Variants in KPNB1 observed in about 807,000 individuals in gnomAD.
KPNB1 encodes importin subunit beta-1.
A neutral mutation model predicts 113.0 loss-of-function variants in KPNB1; 7 were observed. That is an observed-to-expected ratio of 0.06 (90% confidence interval 0.04 to 0.12). The LOEUF is 0.12. Among genes scored for constraint, KPNB1 ranks in the 10% least tolerant of loss-of-function variants. The pLI is 1.00. For synonymous variants in KPNB1, 363 were observed against 378.6 expected (o/e 0.96, Z 0.48); for missense variants, 400 against 1,054.8 (o/e 0.38, Z 8.60).
intron 7 of KPNB1, among the ~76,000 whole-genome samples, 163 bp from the exon 8 acceptor site, chr17:47,663,996 A>G (rs1227765354): frequency 6.6e-6 from 1 of 151,982 alleles, no homozygotes; most frequent in Non-Finnish European, 1.5e-5. Flanking sequence ...AAAAAAAAAA[A>G]AAAGAAAAGA....
chr17:47,650,359 C>T (rs754360517), intron 1 of KPNB1, 27 bp from the exon 2 acceptor site: 1 of 1,611,000 alleles, frequency 6.2e-7, no homozygotes, highest in Middle Eastern at 1.7e-4. Context: ...TCTGACCCCG[C>T]TCCGTCTCCC....
chr17:47,650,177 G>A lies in KPNB1; in HGVS notation c.-68G>A. 3 of 1,005,026 alleles carry A rather than the reference G, an allele frequency of 3.0e-6. No individual in the cohort carries two copies. The highest frequency in any genetic ancestry group is 3.5e-6 in the Non-Finnish European group (3 of 850,018). The allele number at this position is 1,005,026 out of a possible 1,614,324, so 62.3% of individuals were successfully genotyped here. On this transcript the variant is annotated 5_prime_UTR_variant, in exon 1 of 22. Coordinates refer to ENST00000290158, the MANE Select transcript of KPNB1 (RefSeq NM_002265.6). ...ACCCGACCCCCAACCCCCATCCCCAGTTCGAGCCGCCGCCCGAAAGGCCGG... is the reference window on the plus strand; with the variant it reads ...ACCCGACCCCCAACCCCCATCCCCAATTCGAGCCGCCGCCCGAAAGGCCGG...
At chr17:47,671,518 T>C (rs961765967) in intron 12 of KPNB1, among the ~76,000 whole-genome samples, 3 of 134,730 alleles carry the variant, frequency 2.2e-5, no homozygotes, top group Non-Finnish European at 3.3e-5. Context: ...TAACTACCAT[T>C]TTTATTTTAT....
chr17:47,660,086 A>T (rs1285716397), intron 5 of KPNB1, among the ~76,000 whole-genome samples: 2 of 152,216 alleles, frequency 1.3e-5, no homozygotes, highest in African/African-American at 4.8e-5. Flanking sequence ...TGCAAAACTG[A>T]AACTGTACAT....
intron 12 of KPNB1, 130 bp downstream of exon 12, chr17:47,670,962 T>C (rs1198812675): frequency 1.1e-6 from 1 of 884,450 alleles, no homozygotes; most frequent in Non-Finnish European, 1.7e-6. Context: ...TCTAGAGGAA[T>C]TAAAAGAAAC....
chr17:47,674,593 G>A, intron 14 of KPNB1, 45 bp from the exon 15 acceptor site: 1 of 1,578,806 alleles, frequency 6.3e-7, no homozygotes, highest in Non-Finnish European at 8.6e-7. Flanking sequence ...GTTCTGATTG[G>A]GAGATTTGGA....
rs185157058 is a variant in KPNB1 at position 47,652,602 on chromosome 17, C to A, written c.100-92C>A. The A allele has an allele frequency of 5.5e-5, 55 of 999,660 alleles. No homozygotes were observed. In the South Asian group the frequency reaches 1.0e-3, roughly 19 times the overall value. 61.9% of individuals were successfully genotyped at this position (999,660 alleles called of 1,614,324 possible). On this transcript the variant is annotated intron_variant, in intron 2 of 21. Coordinates refer to ENST00000290158, the MANE Select transcript of KPNB1 (RefSeq NM_002265.6). ...ATTAGACATTAGTTCCCCCCCTCGCCGCCCCTCTGGTGGTTCAGTGCTCTA... is the reference window on the plus strand; with the variant it reads ...ATTAGACATTAGTTCCCCCCCTCGCAGCCCCTCTGGTGGTTCAGTGCTCTA...
chr17:47,670,620 C>A, intron 11 of KPNB1, 82 bp from the exon 12 acceptor site: 1 of 1,446,544 alleles, frequency 6.9e-7, no homozygotes, highest in Non-Finnish European at 9.3e-7. Flanking sequence ...CTGACACGGC[C>A]CAAAGTATCT....
In KPNB1 at chr17:47,675,797, A is replaced by G. The variant is rs536982717; in HGVS notation, c.1913-612A>G. 2.7e-4 allele frequency among the ~76,000 whole-genome samples: 41 copies of G among 152,272 alleles called. 1 individual carries two copies. In the South Asian group the frequency reaches 8.5e-3, roughly 32 times the overall value. On this transcript the variant is annotated intron_variant, in intron 15 of 21. Coordinates refer to ENST00000290158, the MANE Select transcript of KPNB1 (RefSeq NM_002265.6). The stretch of plus-strand genomic sequence containing the variant: ...TATGCCTTTTCAGGGGTGGCCTGTA[A>G]GTACATTGCTAAGGCCATTTACCTG...
At chr17:47,672,508 A>G (rs1004736076) in intron 12 of KPNB1, among the ~76,000 whole-genome samples, 2 of 151,802 alleles carry the variant, frequency 1.3e-5, no homozygotes, top group African/African-American at 4.8e-5. Flanking sequence ...CTCGTGCCTC[A>G]GCCTCCTGAG....
At position 47,673,509 on chromosome 17, in the gene KPNB1, C is replaced by G. The variant is rs1228566457; in HGVS notation, c.1715C>G (p.Ser572Cys). 6.2e-7 allele frequency: 1 copy of G among 1,613,338 alleles called. No individual in the cohort carries two copies. Among genetic ancestry groups the G allele is most frequent in the Non-Finnish European group, 8.5e-7 (1 of 1,179,418 alleles). ...TTGTAGTCACATATCCAGAGCACAT[C>G]CGATAGAATCCAGTTCAATGACCTT... is the stretch of plus-strand genomic sequence containing the variant. ...LQMESHIQST[S>C]DRIQFNDLQS... The change falls in exon 14 of 22, where the codon TCC (serine) becomes TGC (cysteine). Residue 572 changes from serine (S) to cysteine (C), a missense_variant. Around this residue, in one of 2 missense-constraint regions of KPNB1, gnomAD observed 115 missense variants for 427.9 expected, o/e 0.27. Transcript: ENST00000290158.
chr17:47,652,210 G>C (rs776653707), intron 2 of KPNB1, among the ~76,000 whole-genome samples: 2 of 152,168 alleles, frequency 1.3e-5, no homozygotes, highest in Non-Finnish European at 2.9e-5. Flanking sequence ...GAGATGGAAA[G>C]TTGGATCATT....
In KPNB1 at chr17:47,650,555, TC is replaced by T. The variant is rs1419727146; in HGVS notation, c.99+116del. ...CGGGAACCTACCCCGCCCCATCCCGTCCCCCTCCCCCCTCCCCCTCCCCCCC... is the reference window on the plus strand; with the variant it reads ...CGGGAACCTACCCCGCCCCATCCCGTCCCCTCCCCCCTCCCCCTCCCCCCC... On this transcript the variant is annotated intron_variant, in intron 2 of 21. Transcript: ENST00000290158. 233 of 550,964 alleles carry T rather than the reference TC, an allele frequency of 4.2e-4. 2 individuals are homozygous for T. Among genetic ancestry groups the T allele is most frequent in the East Asian group, 3.5e-3 (86 of 24,462 alleles). The allele number at this position is 550,964 out of a possible 1,614,324, so 34.1% of individuals were successfully genotyped here.
chr17:47,677,611 C>T (rs1184634423), intron 17 of KPNB1, among the ~76,000 whole-genome samples: 1 of 152,004 alleles, frequency 6.6e-6, no homozygotes, highest in African/African-American at 2.4e-5. Context: ...GGAATGTGTG[C>T]TCTATTAGAG....
chr17:47,676,356 C>G (rs2030614565), intron 15 of KPNB1, 53 bp from the exon 16 acceptor site: 1 of 1,285,090 alleles, frequency 7.8e-7, no homozygotes, highest in African/African-American at 1.5e-5. Flanking sequence ...TTTCTGCCTG[C>G]CTCTGTGTTA....
intron 6 of KPNB1, among the ~76,000 whole-genome samples, chr17:47,662,864 C>T (rs1335632179): frequency 6.6e-6 from 1 of 151,952 alleles, no homozygotes; most frequent in Non-Finnish European, 1.5e-5. Context: ...GCCTGGGCAA[C>T]AGGAGCGGAA....
At chr17:47,656,531 C>T (rs1252671204) in intron 3 of KPNB1, among the ~76,000 whole-genome samples, 1 of 146,308 alleles carries the variant, frequency 6.8e-6, no homozygotes, top group Non-Finnish European at 1.5e-5. Flanking sequence ...CTGACTGAGG[C>T]CTTGTATTTT....
intron 12 of KPNB1, among the ~76,000 whole-genome samples, chr17:47,672,549 C>G (rs1018063969): frequency 6.6e-6 from 1 of 151,994 alleles, no homozygotes; most frequent in African/African-American, 2.4e-5. Context: ...AGCCACTACA[C>G]CTGGCTAATT....
At chr17:47,660,981 A>G (rs1473899503) in intron 5 of KPNB1, 138 bp from the exon 6 acceptor site, 1 of 678,856 alleles carries the variant, frequency 1.5e-6, no homozygotes, top group African/African-American at 1.8e-5. Flanking sequence ...CTCAAGGGAG[A>G]GTGGCTTGAT....
Sources: gnomAD v4.1 joint callset for allele counts (sites outside exome capture counted in the v4.1 genomes callset) on GRCh38, gnomAD v4.1.1 for gene constraint, gnomAD v4.1.1 regional missense constraint, MANE v1.5 for transcripts, NCBI Gene and HGNC (gene_info 2026-07-23, HGNC 2026-07-21) for gene names.